The following GRIP1 variants were observed in gnomAD, a reference collection of about 807,000 sequenced individuals.
The protein encoded by GRIP1 is glutamate receptor-interacting protein 1.
A neutral mutation model predicts 129.9 loss-of-function variants in GRIP1; 45 were observed. The observed-to-expected ratio is 0.35, with a 90% CI of 0.27 to 0.44. The LOEUF is 0.44. GRIP1 is among the 20% of genes least tolerant of loss of function. GRIP1 has a pLI of 1.00. For synonymous variants in GRIP1, 530 were observed against 520.8 expected (o/e 1.02, Z -0.24); for missense variants, 1,196 against 1,396.8 (o/e 0.86, Z 2.29).
intron 7 of GRIP1, among the ~76,000 whole-genome samples, chr12:66,497,777 G>A (rs1004713534): frequency 1.9e-4 from 29 of 152,256 alleles, no homozygotes; most frequent in Admixed American, 1.3e-4. Flanking sequence ...AACTGTGTAC[G>A]TCAGGCCTCT....
chr12:66,645,956 T>C (rs755896037), intron 1 of GRIP1, among the ~76,000 whole-genome samples: 56 of 152,178 alleles, frequency 3.7e-4, no homozygotes, highest in Non-Finnish European at 7.1e-4. Context: ...CTTTATACTG[T>C]ATGGAGCCAT....
chr12:66,731,134 A>T (rs1274314556), intron 1 of GRIP1, among the ~76,000 whole-genome samples: 2 of 152,130 alleles, frequency 1.3e-5, no homozygotes, highest in Admixed American at 1.3e-4. Flanking sequence ...CTGCCTGTGG[A>T]TTTCATTATT....
intron 1 of GRIP1, among the ~76,000 whole-genome samples, chr12:66,639,582 G>C (rs891306616): frequency 1.3e-5 from 2 of 152,140 alleles, no homozygotes; most frequent in Admixed American, 6.5e-5. Context: ...GTTGTGAAGA[G>C]ATTAAATAGT....
chr12:66,716,948 A>G lies in GRIP1; in HGVS notation c.-419-86612T>C, dbSNP rs540813278. 1.1e-4 allele frequency among the ~76,000 whole-genome samples: 17 copies of G among 152,148 alleles called. No homozygotes were observed. In the South Asian group the frequency reaches 3.5e-3, roughly 32 times the overall value. On this transcript the variant is annotated intron_variant, in intron 1 of 4. Coordinates refer to the GRIP1 transcript ENST00000538373. The stretch of plus-strand genomic sequence containing the variant: ...GTCTCCACTCTTCATCCTTCTCATA[A>G]CCAAACACAGCCCAGGCAAGAAATC...
chr12:66,551,777 T>TCA (rs1418435041), intron 2 of GRIP1, among the ~76,000 whole-genome samples: 3 of 152,076 alleles, frequency 2.0e-5, no homozygotes, highest in Non-Finnish European at 4.4e-5. Context: ...AGATGGGGTC[T>TCA]CACTATGTTG....
intron 1 of GRIP1, among the ~76,000 whole-genome samples, chr12:66,677,297 G>C (rs950897967): frequency 6.6e-6 from 1 of 152,014 alleles, no homozygotes; most frequent in African/African-American, 2.4e-5. Context: ...AAATTGCTTG[G>C]GTTCACTCTC....
intron 1 of GRIP1, among the ~76,000 whole-genome samples, chr12:66,602,848 C>CTTTTTTTTTTTTTTT (rs71436016): frequency 2.8e-5 from 2 of 71,662 alleles, no homozygotes; most frequent in African/African-American, 4.7e-5. Context: ...AGATCTTTTG[C>CTTTTTTTTTTTTTTT]TTTTTTTTTT....
chr12:66,743,685 G>C (rs2036859775), intron 1 of GRIP1, among the ~76,000 whole-genome samples: 1 of 151,876 alleles, frequency 6.6e-6, no homozygotes, highest in Non-Finnish European at 1.5e-5. Context: ...CAGATTATAA[G>C]ATAACAAGGA....
intron 1 of GRIP1, among the ~76,000 whole-genome samples, chr12:67,061,084 G>T (rs1565661459): frequency 6.6e-6 from 1 of 152,184 alleles, no homozygotes; most frequent in Non-Finnish European, 1.5e-5. Flanking sequence ...TTGTAACTTT[G>T]TTGCATTACT....
At chr12:66,871,069 GA>G (rs35750211) in intron 1 of GRIP1, among the ~76,000 whole-genome samples, 1 of 152,014 alleles carries the variant, frequency 6.6e-6, no homozygotes, top group Non-Finnish European at 1.5e-5. Flanking sequence ...TGTTAATAAT[GA>G]AAATCTCAGC....
intron 1 of GRIP1, among the ~76,000 whole-genome samples, chr12:66,761,086 G>A (rs1401607420): frequency 1.3e-5 from 2 of 151,970 alleles, no homozygotes; most frequent in Non-Finnish European, 2.9e-5. Flanking sequence ...TACATCATGA[G>A]CACAATCAGA....
chr12:66,949,942 G>A (rs1414578014), intron 1 of GRIP1, among the ~76,000 whole-genome samples: 1 of 150,290 alleles, frequency 6.7e-6, no homozygotes, highest in East Asian at 2.0e-4. Context: ...CTAATTTTTT[G>A]TATTTTTGTA....
intron 13 of GRIP1, among the ~76,000 whole-genome samples, chr12:66,438,584 C>G (rs1413661973): frequency 6.6e-6 from 1 of 151,604 alleles, no homozygotes; most frequent in Admixed American, 6.6e-5. Flanking sequence ...CAACCTCCAC[C>G]TCCCGGGTTC....
At chr12:66,625,466 C>G (rs138013567) in intron 1 of GRIP1, among the ~76,000 whole-genome samples, 1 of 151,956 alleles carries the variant, frequency 6.6e-6, no homozygotes, top group Non-Finnish European at 1.5e-5. Context: ...TAAAGGGACT[C>G]AATAAAGTAA....
chr12:66,394,090 G>A, intron 17 of GRIP1, 118 bp downstream of exon 17: 1 of 1,012,910 alleles, frequency 9.9e-7, no homozygotes, highest in Non-Finnish European at 1.6e-6. Flanking sequence ...TCAATCCTTT[G>A]TGCAGATTTT....
chr12:66,886,848 CTGT>C (rs1437427884), intron 1 of GRIP1, among the ~76,000 whole-genome samples: 1 of 152,170 alleles, frequency 6.6e-6, no homozygotes, highest in African/African-American at 2.4e-5. Context: ...ACTGATATTA[CTGT>C]TGTTAATTAC....
At chr12:66,705,705 G>A (rs755689338) in intron 1 of GRIP1, among the ~76,000 whole-genome samples, 2 of 152,088 alleles carry the variant, frequency 1.3e-5, no homozygotes, top group Non-Finnish European at 2.9e-5. Flanking sequence ...TACCAAAACA[G>A]ACATATAGAC....
chr12:66,644,124 T>C (rs1592693407), intron 1 of GRIP1, among the ~76,000 whole-genome samples: 2 of 152,204 alleles, frequency 1.3e-5, no homozygotes, highest in African/African-American at 4.8e-5. Context: ...TGAGACTTAT[T>C]CTCTACCAGG....
intron 14 of GRIP1, among the ~76,000 whole-genome samples, chr12:66,423,466 A>G (rs193206778): frequency 6.6e-6 from 1 of 152,064 alleles, no homozygotes; most frequent in Non-Finnish European, 1.5e-5. Context: ...GGCTGATCTC[A>G]CTCACTGAGT....
Sources: allele counts gnomAD v4.1 joint callset (sites outside exome capture counted in the v4.1 genomes callset), GRCh38; gene constraint gnomAD v4.1.1; transcripts MANE v1.5; gene names NCBI Gene and HGNC (gene_info 2026-07-23, HGNC 2026-07-21).